SHROOM3: variants seen among roughly 807,000 people sequenced by gnomAD.
The protein encoded by SHROOM3 is protein Shroom3.
Under a neutral mutation model 138.6 loss-of-function variants are expected in SHROOM3, and 47 were observed. The observed-to-expected ratio is 0.34, with a 90% CI of 0.27 to 0.43. The LOEUF is 0.43. SHROOM3 is among the 20% of genes least tolerant of loss of function. SHROOM3 has a pLI of 1.00. For missense variants in SHROOM3, 2,491 were observed against 2,596.5 expected (o/e 0.96, Z 0.88); for synonymous variants, 1,062 against 1,063.3 (o/e 1.00, Z 0.02).
At chr4:76,536,343 A>G (rs1282028827) in intron 1 of SHROOM3, among the ~76,000 whole-genome samples, 1 of 152,226 alleles carries the variant, frequency 6.6e-6, no homozygotes, top group South Asian at 2.1e-4. Context: ...TCAGCTGAGC[A>G]TATAGAGGTT....
At chr4:76,485,071 G>A (rs1731700484) in intron 1 of SHROOM3, among the ~76,000 whole-genome samples, 1 of 152,218 alleles carries the variant, frequency 6.6e-6, no homozygotes, top group Non-Finnish European at 1.5e-5. Context: ...GAAACACACT[G>A]TTGTCGCCTT....
At chr4:76,601,805 C>G (rs1411788104) in intron 2 of SHROOM3, among the ~76,000 whole-genome samples, 2 of 152,244 alleles carry the variant, frequency 1.3e-5, no homozygotes, top group South Asian at 2.1e-4. Context: ...CGGCGCCCAG[C>G]CTTACTCCTC....
chr4:76,472,536 A>G (rs534329586), intron 1 of SHROOM3, among the ~76,000 whole-genome samples: 2 of 152,298 alleles, frequency 1.3e-5, no homozygotes, highest in Non-Finnish European at 2.9e-5. Context: ...TGGCAGTTCT[A>G]TAATAATAAA....
At chr4:76,628,595 A>G (rs1735215051) in intron 2 of SHROOM3, among the ~76,000 whole-genome samples, 1 of 152,178 alleles carries the variant, frequency 6.6e-6, no homozygotes, top group African/African-American at 2.4e-5. Context: ...TGTGCCAGGG[A>G]TAAAACATGC....
intron 2 of SHROOM3, among the ~76,000 whole-genome samples, chr4:76,700,788 T>C (rs540713707): frequency 5.3e-5 from 8 of 151,978 alleles, no homozygotes; most frequent in East Asian, 1.9e-4. Context: ...TTTATTTATT[T>C]ATTTATTTTT....
chr4:76,685,022 A>G (rs1463057160), intron 2 of SHROOM3, among the ~76,000 whole-genome samples: 1 of 152,200 alleles, frequency 6.6e-6, no homozygotes, highest in Non-Finnish European at 1.5e-5. Flanking sequence ...TATTTATTAA[A>G]GTGAATATTA....
chr4:76,743,572 A>C lies in SHROOM3; in HGVS notation c.3753+1646A>C, dbSNP rs116017486. ...GCCAGCTTGAAATCCTCTCTGAAAC[A>C]TGCAACCTTCTATTTTCTTCTCCTT... On this transcript the variant is annotated intron_variant, in intron 5 of 10. Transcript: ENST00000296043. 4.5e-3 allele frequency among the ~76,000 whole-genome samples: 678 copies of C among 152,282 alleles called. 5 individuals are homozygous for C. Among genetic ancestry groups the C allele is most frequent in the African/African-American group, 0.015 (627 of 41,550 alleles).
chr4:76,474,498 T>C (rs999821087), intron 1 of SHROOM3, among the ~76,000 whole-genome samples: 7 of 152,222 alleles, frequency 4.6e-5, no homozygotes, highest in Admixed American at 3.9e-4. Flanking sequence ...TGCTTTGTAA[T>C]GGTTATATTT....
intron 2 of SHROOM3, among the ~76,000 whole-genome samples, chr4:76,563,724 C>A (rs1013450475): frequency 2.6e-5 from 4 of 152,154 alleles, no homozygotes; most frequent in African/African-American, 7.2e-5. Context: ...GGTGCAGTGA[C>A]CTTTTTATAG....
In SHROOM3 at chr4:76,741,044, G is replaced by T. The variant is rs777891136; in HGVS notation, c.2871G>T (p.Trp957Cys). 1.3e-6 allele frequency: 2 copies of T among 1,491,784 alleles called. No individual in the cohort carries two copies. Among genetic ancestry groups the T allele is most frequent in the South Asian group, 1.4e-5 (1 of 72,088 alleles). 92.4% of individuals were successfully genotyped at this position (1,491,784 alleles called of 1,614,324 possible). Residue 957 changes from tryptophan (W) to cysteine (C), a missense_variant, in exon 5 of 11, where the codon TGG becomes TGT. Trp to Cys is a radical substitution (Grantham distance 215). This residue lies in a region of SHROOM3 where 1,733 missense variants were observed against 1,661.6 expected (regional missense o/e 1.04). Transcript: ENST00000296043. The surrounding 1 kb of genome is among the most constrained non-coding windows in gnomAD (Gnocchi z 6.2). ...GGGCGCCCGTGGCGTCGAGGTCCTG[G>T]CGGCCACGGCCTTCCTCGGCCCACG... ...ELGAPVASRS[W>C]RPRPSSAHVG...
At chr4:76,541,571 G>A (rs1733098241) in intron 1 of SHROOM3, among the ~76,000 whole-genome samples, 1 of 151,776 alleles carries the variant, frequency 6.6e-6, no homozygotes, top group Non-Finnish European at 1.5e-5. Flanking sequence ...ATTCATAAGA[G>A]GGAAAAAAGT....
At chr4:76,450,148 C>T (rs908331720) in intron 1 of SHROOM3, among the ~76,000 whole-genome samples, 27 of 152,186 alleles carry the variant, frequency 1.8e-4, no homozygotes, top group Non-Finnish European at 3.7e-4. Flanking sequence ...AAAAGCAGCA[C>T]AGAAGAAAAT....
chr4:76,584,045 C>T (rs536419488), intron 2 of SHROOM3, among the ~76,000 whole-genome samples: 20 of 152,238 alleles, frequency 1.3e-4, no homozygotes, highest in African/African-American at 4.1e-4. Flanking sequence ...CTGGGTACGG[C>T]GGCTCACGCC....
In SHROOM3 at chr4:76,754,851, C is replaced by T. The variant is rs749328431; in HGVS notation, c.4368C>T (p.His1456=). ...CCCCTGATTTTGCAAACCTGAAGCA[C>T]TATCAAAAACAGCAGAGTCTTCCAA... ...SSAPDFANLK[H]YQKQQSLPSL... Residue 1456 remains histidine (H), a synonymous_variant, in exon 7 of 11, where the codon CAC becomes CAT. Coordinates refer to ENST00000296043, the MANE Select transcript of SHROOM3 (RefSeq NM_020859.4). 2.1e-5 allele frequency: 34 copies of T among 1,614,046 alleles called. No individual in the cohort carries two copies. Among genetic ancestry groups the T allele is most frequent in the Non-Finnish European group, 2.9e-5 (34 of 1,180,034 alleles).
chr4:76,496,026 G>A (rs1317078039), intron 1 of SHROOM3, among the ~76,000 whole-genome samples: 1 of 152,200 alleles, frequency 6.6e-6, no homozygotes, highest in African/African-American at 2.4e-5. Context: ...TCATACAATG[G>A]AAGAATATGT....
chr4:76,600,193 A>G (rs1734477426), intron 2 of SHROOM3, among the ~76,000 whole-genome samples: 1 of 151,884 alleles, frequency 6.6e-6, no homozygotes, highest in Non-Finnish European at 1.5e-5. Flanking sequence ...TAAACAACCA[A>G]CTTGCTTTTG....
chr4:76,557,985 A>G (rs757776097), intron 2 of SHROOM3, among the ~76,000 whole-genome samples: 1 of 152,122 alleles, frequency 6.6e-6, no homozygotes, highest in Non-Finnish European at 1.5e-5. Context: ...GTGTCCAGAG[A>G]GTGCTGAAGG....
intron 1 of SHROOM3, among the ~76,000 whole-genome samples, chr4:76,497,792 A>G (rs1404492269): frequency 1.3e-5 from 2 of 152,190 alleles, no homozygotes; most frequent in African/African-American, 4.8e-5. Flanking sequence ...TGGGAGATGG[A>G]GGTTGCAGTG....
chr4:76,506,974 A>C lies in SHROOM3; in HGVS notation c.169-48635A>C, dbSNP rs75425785. ...TTGGTCCTCTCCATAATAACCAAAA[A>C]TATGGACCAAGGCATAAAAGGTGAA... On this transcript the variant is annotated intron_variant, in intron 1 of 10. Transcript: ENST00000296043. Among the ~76,000 whole-genome samples, 808 of 152,342 alleles carry C rather than the reference A, an allele frequency of 5.3e-3. 8 individuals are homozygous for C. Among genetic ancestry groups the C allele is most frequent in the African/African-American group, 0.019 (778 of 41,588 alleles).
Sources: allele counts gnomAD v4.1 joint callset (sites outside exome capture counted in the v4.1 genomes callset), GRCh38; gene constraint gnomAD v4.1.1; regional missense constraint gnomAD v4.1.1; non-coding constraint Gnocchi (gnomAD v3.1); transcripts MANE v1.5; gene names NCBI Gene and HGNC (gene_info 2026-07-23, HGNC 2026-07-21).